The following TTC29 variants were observed in gnomAD, a reference collection of about 807,000 sequenced individuals.
TTC29 encodes the protein tetratricopeptide repeat protein 29.
Under a neutral mutation model 58.1 loss-of-function variants are expected in TTC29, and 49 were observed. That is an observed-to-expected ratio of 0.84 (90% confidence interval 0.67 to 1.07). TTC29 has a LOEUF of 1.07. TTC29 is among the 50% of genes least tolerant of loss of function. TTC29 has a pLI of 0.00. For synonymous variants in TTC29, 209 were observed against 196.8 expected (o/e 1.06, Z -0.52); for missense variants, 582 against 555.6 (o/e 1.05, Z -0.48).
intron 11 of TTC29, among the ~76,000 whole-genome samples, chr4:146,743,037 TC>T (rs1745277384): frequency 6.6e-6 from 1 of 151,846 alleles, no homozygotes; most frequent in Non-Finnish European, 1.5e-5. Context: ...AAGAAATCAG[TC>T]CTTAGGCTCT....
chr4:146,753,097 C>A (rs1307326632), intron 11 of TTC29, among the ~76,000 whole-genome samples: 3 of 152,098 alleles, frequency 2.0e-5, no homozygotes, highest in Admixed American at 6.6e-5. Context: ...AAGAAACCAC[C>A]ATCAGAGTGA....
chr4:146,861,170 G>A (rs143421786), intron 8 of TTC29, among the ~76,000 whole-genome samples: 5 of 152,212 alleles, frequency 3.3e-5, no homozygotes, highest in East Asian at 1.9e-4. Context: ...AAAAACGAAC[G>A]GCTAAGAGAG....
chr4:146,790,523 TA>T (rs200803199), intron 11 of TTC29, among the ~76,000 whole-genome samples: 11 of 151,928 alleles, frequency 7.2e-5, no homozygotes, highest in Non-Finnish European at 1.2e-4. Context: ...ATACCTGCTT[TA>T]TTTTTTTTTT....
At chr4:146,940,670 G>T (rs1012026930) in intron 2 of TTC29, among the ~76,000 whole-genome samples, 2 of 152,174 alleles carry the variant, frequency 1.3e-5, no homozygotes, top group Admixed American at 1.3e-4. Flanking sequence ...GATGCTGTTA[G>T]CTGGGACTCA....
chr4:146,927,788 T>A (rs553012317), intron 4 of TTC29, among the ~76,000 whole-genome samples: 9 of 152,240 alleles, frequency 5.9e-5, no homozygotes, highest in African/African-American at 2.2e-4. Context: ...GCTTGCCCAG[T>A]ACACAAGGCA....
chr4:146,814,724 CAAAAAAAAA>C (rs1023402149), intron 10 of TTC29, among the ~76,000 whole-genome samples: 882 of 35,136 alleles, frequency 0.025, 2 homozygotes, highest in Middle Eastern at 0.1. Flanking sequence ...GACTCCATCT[CAAAAAAAAA>C]AAAAAAAAAA....
intron 11 of TTC29, among the ~76,000 whole-genome samples, chr4:146,766,618 CATT>C (rs1561104952): frequency 6.6e-6 from 1 of 152,140 alleles, no homozygotes; most frequent in South Asian, 2.1e-4. Flanking sequence ...CTATTAGTCT[CATT>C]ATTGCTAAAT....
At chr4:146,710,594 G>A (rs1368502330) in intron 11 of TTC29, among the ~76,000 whole-genome samples, 1 of 152,042 alleles carries the variant, frequency 6.6e-6, no homozygotes, top group Non-Finnish European at 1.5e-5. Context: ...TATAACCTAG[G>A]TTTTGCACTA....
intron 11 of TTC29, among the ~76,000 whole-genome samples, chr4:146,721,820 G>T (rs1743381240): frequency 6.6e-6 from 1 of 152,046 alleles, no homozygotes; most frequent in African/African-American, 2.4e-5. Flanking sequence ...GAGCAATCAG[G>T]CAAGAGAAAG....
At chr4:146,718,787 A>G (rs1213846226) in intron 11 of TTC29, among the ~76,000 whole-genome samples, 3 of 152,134 alleles carry the variant, frequency 2.0e-5, no homozygotes, top group Non-Finnish European at 4.4e-5. Context: ...TGCCTAGACC[A>G]ACGACACATA....
intron 10 of TTC29, 83 bp downstream of exon 10, chr4:146,820,042 G>T (rs1338392016): frequency 1.3e-6 from 2 of 1,542,124 alleles, no homozygotes; most frequent in Admixed American, 1.7e-5. Flanking sequence ...AGACAAGGAT[G>T]ACATGAGAAG....
At chr4:146,777,978 A>AATC (rs1748235968) in intron 11 of TTC29, among the ~76,000 whole-genome samples, 2 of 152,132 alleles carry the variant, frequency 1.3e-5, no homozygotes, top group Admixed American at 1.3e-4. Flanking sequence ...TTGGAGTGAA[A>AATC]ATCAGGAGCT....
chr4:146,810,734 G>A (rs553887221), intron 10 of TTC29, among the ~76,000 whole-genome samples: 71 of 151,974 alleles, frequency 4.7e-4, no homozygotes, highest in African/African-American at 1.6e-3. Flanking sequence ...GGGATTACAG[G>A]CATATGCCAC....
chr4:146,845,495 G>A (rs750131997), intron 8 of TTC29, among the ~76,000 whole-genome samples: 2 of 152,060 alleles, frequency 1.3e-5, no homozygotes, highest in Non-Finnish European at 2.9e-5. Context: ...TTATACCTAT[G>A]ATAACATAAC....
At chr4:146,728,848 T>TATATATAC (rs1561066737) in intron 11 of TTC29, among the ~76,000 whole-genome samples, 1 of 67,358 alleles carries the variant, frequency 1.5e-5, no homozygotes, top group African/African-American at 4.1e-5. Context: ...CATATATATG[T>TATATATAC]ATATATATAC....
chr4:146,940,722 T>G (rs990665899), intron 2 of TTC29, among the ~76,000 whole-genome samples: 3 of 152,204 alleles, frequency 2.0e-5, no homozygotes, highest in Admixed American at 6.5e-5. Flanking sequence ...GGTCTCCTCA[T>G]GTGGCATGGA....
At chr4:146,903,514 C>A in intron 6 of TTC29, 30 bp downstream of exon 6, 2 of 1,575,324 alleles carry the variant, frequency 1.3e-6, no homozygotes, top group East Asian at 4.6e-5. Context: ...CCAAAACATA[C>A]CCAAGGCATC....
intron 11 of TTC29, among the ~76,000 whole-genome samples, chr4:146,754,169 A>C (rs1030712800): frequency 2.1e-4 from 32 of 151,860 alleles, no homozygotes; most frequent in African/African-American, 7.2e-4. Flanking sequence ...CAGATGCCTC[A>C]GAAATAAAAA....
At chr4:146,817,317 G>C (rs1751481261) in intron 10 of TTC29, among the ~76,000 whole-genome samples, 1 of 152,194 alleles carries the variant, frequency 6.6e-6, no homozygotes, top group Admixed American at 6.5e-5. Context: ...AATCATGAAT[G>C]AACTCCCATT....
Sources: allele counts gnomAD v4.1 joint callset (sites outside exome capture counted in the v4.1 genomes callset), GRCh38; gene constraint gnomAD v4.1.1; transcripts MANE v1.5; gene names NCBI Gene and HGNC (gene_info 2026-07-23, HGNC 2026-07-21).